The following CNTN6 variants were observed in gnomAD, a reference collection of about 807,000 sequenced individuals.
CNTN6 encodes contactin 6, also known as contactin-6.
CNTN6 carries 137 observed loss-of-function variants against 122.8 expected under a neutral mutation model. The observed-to-expected ratio is 1.12, with a 90% CI of 0.97 to 1.29. The LOEUF (loss-of-function observed/expected upper bound fraction) is 1.29. Among genes scored for constraint, CNTN6 ranks in the 50% most tolerant of loss-of-function variants. CNTN6 has a pLI of 0.00. For missense variants in CNTN6, 1,634 were observed against 1,223.4 expected (o/e 1.34, Z -5.01); for synonymous variants, 570 against 426.0 (o/e 1.34, Z -4.16).
At chr3:1,318,409 A>G (rs1213688544) in intron 7 of CNTN6, among the ~76,000 whole-genome samples, 1 of 151,772 alleles carries the variant, frequency 6.6e-6, no homozygotes, top group Admixed American at 6.6e-5. Context: ...TACTATAATA[A>G]GAAATACTTA....
intron 20 of CNTN6, among the ~76,000 whole-genome samples, chr3:1,396,724 G>A (rs754331963): frequency 1.2e-4 from 18 of 152,088 alleles, no homozygotes; most frequent in South Asian, 4.1e-4. Context: ...CACTTTATAA[G>A]TTTGTTGCAG....
At chr3:1,099,884 C>A (rs1009008782) in intron 1 of CNTN6, among the ~76,000 whole-genome samples, 5 of 151,882 alleles carry the variant, frequency 3.3e-5, no homozygotes, top group Admixed American at 1.3e-4. Flanking sequence ...TGGTATACTC[C>A]CTTTATCGTA....
At chr3:1,190,973 C>G (rs528636514) in intron 2 of CNTN6, among the ~76,000 whole-genome samples, 115 of 152,248 alleles carry the variant, frequency 7.6e-4, no homozygotes, top group African/African-American at 2.7e-3. Context: ...TCATTATTTT[C>G]AACCATCTCA....
At chr3:1,103,052 G>C (rs1295408269) in intron 1 of CNTN6, among the ~76,000 whole-genome samples, 2 of 151,776 alleles carry the variant, frequency 1.3e-5, no homozygotes, top group South Asian at 4.2e-4. Flanking sequence ...CTTGCAGTGA[G>C]CCAAGATGGC....
intron 1 of CNTN6, among the ~76,000 whole-genome samples, chr3:1,106,804 A>G (rs1158935753): frequency 1.3e-5 from 2 of 152,084 alleles, no homozygotes; most frequent in East Asian, 1.9e-4. Context: ...AGCCAAAAAC[A>G]TAACCAAAAT....
Position 1,217,578 on chromosome 3 carries a change from G to T in CNTN6, c.56-3109G>T, listed in dbSNP as rs542867418. Among the ~76,000 whole-genome samples the T allele has an allele frequency of 2.2e-3, 333 of 152,338 alleles. 3 individuals carry two copies. In the South Asian group the frequency reaches 0.024, roughly 11 times the overall value. Reference sequence around the variant, plus strand: ...ATTCAAAAGTATTTTTCTCAAGGCAGTGGCTTGGGGTGATGTTTCAATAAT... The same window carrying T: ...ATTCAAAAGTATTTTTCTCAAGGCATTGGCTTGGGGTGATGTTTCAATAAT... On this transcript the variant is annotated intron_variant, in intron 2 of 22. Transcript: ENST00000446702.
intron 1 of CNTN6, among the ~76,000 whole-genome samples, chr3:1,098,622 A>G (rs1026114714): frequency 2.6e-5 from 4 of 151,310 alleles, no homozygotes; most frequent in Admixed American, 1.3e-4. Flanking sequence ...TTTGACTTCT[A>G]TTGCAGAATC....
chr3:1,403,352 T>C lies in CNTN6; in HGVS notation c.3021T>C (p.Pro1007=), dbSNP rs1695975278. ...CCAGAGGAATTCAATTCTTAGAACCTAGCACCCATTTTCTTTCCATTGTCA... is the reference window on the plus strand; with the variant it reads ...CCAGAGGAATTCAATTCTTAGAACCCAGCACCCATTTTCTTTCCATTGTCA... ...LSSRGIQFLE[P]STHFLSIVIV... is the part of the protein sequence containing the mutation. The change falls in exon 23 of 23, where the codon CCT becomes CCC. Residue 1007 remains proline, a synonymous_variant. Coordinates refer to ENST00000446702, the MANE Select transcript of CNTN6 (RefSeq NM_001289080.2). 6.2e-7 allele frequency: 1 copy of C among 1,611,214 alleles called. No homozygotes were observed. Among genetic ancestry groups the C allele is most frequent in the Non-Finnish European group, 8.5e-7 (1 of 1,178,520 alleles).
At chr3:1,372,141 T>C (rs1057329657) in intron 12 of CNTN6, among the ~76,000 whole-genome samples, 158 bp from the exon 13 acceptor site, 1 of 152,160 alleles carries the variant, frequency 6.6e-6, no homozygotes, top group African/African-American at 2.4e-5. Flanking sequence ...TACAAGACAT[T>C]TAAAAACAGG....
intron 1 of CNTN6, among the ~76,000 whole-genome samples, chr3:1,107,566 A>G (rs1382514192): frequency 1.3e-5 from 2 of 152,122 alleles, no homozygotes; most frequent in Admixed American, 1.3e-4. Flanking sequence ...TTAGACTCCA[A>G]AAGATCAAAG....
intron 11 of CNTN6, among the ~76,000 whole-genome samples, chr3:1,349,633 G>A (rs1846484): frequency 0.81 from 122,487 of 151,720 alleles, 50,334 homozygotes; most frequent in African/African-American, 0.87. Flanking sequence ...ATTGCTCAGT[G>A]CCATTTGATC....
At chr3:1,123,455 G>A (rs2092038009) in intron 1 of CNTN6, among the ~76,000 whole-genome samples, 1 of 149,440 alleles carries the variant, frequency 6.7e-6, no homozygotes, top group Non-Finnish European at 1.5e-5. Flanking sequence ...GATAATTGCT[G>A]GCATATAGGA....
intron 21 of CNTN6, 71 bp downstream of exon 21, chr3:1,401,616 G>A: frequency 2.9e-6 from 3 of 1,036,580 alleles, no homozygotes; most frequent in Non-Finnish European, 4.3e-6. Flanking sequence ...ACACCCAAAT[G>A]GAAAACAAAT....
At chr3:1,387,116 T>C (rs1693128839) in intron 20 of CNTN6, among the ~76,000 whole-genome samples, 1 of 151,226 alleles carries the variant, frequency 6.6e-6, no homozygotes. Context: ...ATCTATTTAT[T>C]AAATAGAAAT....
At chr3:1,173,946 A>G (rs766127017) in intron 2 of CNTN6, among the ~76,000 whole-genome samples, 1 of 152,088 alleles carries the variant, frequency 6.6e-6, no homozygotes, top group African/African-American at 2.4e-5. Context: ...TCTATCTCCA[A>G]TACACTGTGA....
intron 14 of CNTN6, 48 bp downstream of exon 14, chr3:1,373,003 C>T (rs1341017901): frequency 6.5e-6 from 7 of 1,073,022 alleles, no homozygotes; most frequent in South Asian, 2.8e-5. Context: ...TTCACAGTTA[C>T]AGTGTTCATA....
At chr3:1,118,725 C>T (rs1035532963) in intron 1 of CNTN6, among the ~76,000 whole-genome samples, 2 of 152,056 alleles carry the variant, frequency 1.3e-5, no homozygotes, top group African/African-American at 4.8e-5. Context: ...CTCTCTAATT[C>T]ATAATTTAAT....
intron 2 of CNTN6, chr3:1,173,306 G>T (rs555835719): frequency 2.2e-6 from 1 of 456,438 alleles, no homozygotes; most frequent in Admixed American, 2.4e-5. Context: ...ATCACCTGGC[G>T]GTTTGCAAAG....
intron 20 of CNTN6, among the ~76,000 whole-genome samples, chr3:1,392,975 C>T: frequency 1.1e-5 from 1 of 92,334 alleles, no homozygotes; most frequent in East Asian, 3.4e-4. Flanking sequence ...TAAACTAGTT[C>T]AACCATTGTG....
Sources: allele counts gnomAD v4.1 joint callset (sites outside exome capture counted in the v4.1 genomes callset), GRCh38; gene constraint gnomAD v4.1.1; transcripts MANE v1.5; gene names NCBI Gene and HGNC (gene_info 2026-07-23, HGNC 2026-07-21).